The following UNC5B variants were observed in gnomAD, a reference collection of about 807,000 sequenced individuals.
UNC5B encodes netrin receptor UNC5B.
Under a neutral mutation model 103.7 loss-of-function variants are expected in UNC5B, and 56 were observed. The observed-to-expected ratio is 0.54, with a 90% CI of 0.44 to 0.67. The LOEUF (loss-of-function observed/expected upper bound fraction) is 0.67, where lower values mean the gene tolerates loss of function less well. UNC5B is among the 30% of genes least tolerant of loss of function. The pLI is 0.00. For missense variants in UNC5B, 1,194 were observed against 1,284.5 expected (o/e 0.93, Z 1.08); for synonymous variants, 577 against 542.0 (o/e 1.06, Z -0.90).
chr10:71,291,436 C>T lies in UNC5B; in HGVS notation c.1299C>T (p.Asn433=). 1.2e-6 allele frequency: 2 copies of T among 1,601,110 alleles called. No individual in the cohort carries two copies. Among genetic ancestry groups the T allele is most frequent in the East Asian group, 4.5e-5 (2 of 44,768 alleles). The stretch of plus-strand genomic sequence containing the variant: ...CTATAGCCCCTACTCCTGCAGGCAA[C>T]CCGCAGCTCCTACACCCCTCTGTGC... ...PVNFKTARPS[N]PQLLHPSVPP... The change falls in exon 10 of 17, where the codon AAC becomes AAT. Residue 433 remains asparagine, a synonymous_variant. Transcript: ENST00000335350.
chr10:71,286,041 C>T (rs770449029), intron 4 of UNC5B, among the ~76,000 whole-genome samples: 1 of 152,230 alleles, frequency 6.6e-6, no homozygotes, highest in Admixed American at 6.5e-5. Context: ...CCAGCCCAAA[C>T]CCTCCTCTGC....
At chr10:71,222,146 G>C (rs1843465008) in intron 1 of UNC5B, among the ~76,000 whole-genome samples, 1 of 152,190 alleles carries the variant, frequency 6.6e-6, no homozygotes. Flanking sequence ...ACTGGCCCTT[G>C]AAAGATGAGA....
intron 1 of UNC5B, among the ~76,000 whole-genome samples, chr10:71,272,762 G>A (rs1844676758): frequency 6.6e-6 from 1 of 152,186 alleles, no homozygotes; most frequent in Non-Finnish European, 1.5e-5. Context: ...TCTGGTCTAC[G>A]TGGGCTCAGA....
intron 2 of UNC5B, among the ~76,000 whole-genome samples, chr10:71,280,642 T>G (rs1844901076): frequency 6.6e-6 from 1 of 152,280 alleles, no homozygotes; most frequent in African/African-American, 2.4e-5. Flanking sequence ...CCCTTCCTTC[T>G]CGGATATGTG....
At chr10:71,232,413 T>C (rs967410701) in intron 1 of UNC5B, among the ~76,000 whole-genome samples, 10 of 152,088 alleles carry the variant, frequency 6.6e-5, no homozygotes, top group Admixed American at 5.9e-4. Context: ...GCAGAGGGAG[T>C]GCACAAGGAG....
At position 71,300,071 on chromosome 10, in the gene UNC5B, G is replaced by A. The variant is rs1195879782; in HGVS notation, c.*794G>A. 4.1e-5 allele frequency: 6 copies of A among 147,016 alleles called. No homozygotes were observed. The highest frequency in any genetic ancestry group is 3.4e-4 in the Admixed American group (5 of 14,860). 9.1% of individuals were successfully genotyped at this position (147,016 alleles called of 1,614,324 possible). A position where few individuals can be genotyped will look rare whatever the true frequency, so the allele number is the denominator to read the frequency against. On this transcript the variant is annotated 3_prime_UTR_variant, in exon 17 of 17. Coordinates refer to ENST00000335350, the MANE Select transcript of UNC5B (RefSeq NM_170744.5). ...TGTGTGTGTGTGTGTGTACATGTAC[G>A]CGTGTGCATTGAGGAGAGAGAGACT...
intron 1 of UNC5B, among the ~76,000 whole-genome samples, chr10:71,235,674 T>A (rs189427427): frequency 6.6e-6 from 1 of 152,258 alleles, no homozygotes; most frequent in African/African-American, 2.4e-5. Context: ...GAGCCCAGCC[T>A]CCAGCCCTGA....
At chr10:71,242,542 G>A (rs1460086479) in intron 1 of UNC5B, among the ~76,000 whole-genome samples, 2 of 152,198 alleles carry the variant, frequency 1.3e-5, no homozygotes, top group East Asian at 1.9e-4. Context: ...CATCAACACA[G>A]CCTGTGGTCA....
At chr10:71,264,807 C>T (rs985158167) in intron 1 of UNC5B, among the ~76,000 whole-genome samples, 5 of 151,994 alleles carry the variant, frequency 3.3e-5, no homozygotes, top group African/African-American at 1.2e-4. Context: ...TGGTGCAGGC[C>T]ATGGTTTGAG....
chr10:71,273,120 C>G (rs1318413019), intron 1 of UNC5B, among the ~76,000 whole-genome samples: 1 of 152,278 alleles, frequency 6.6e-6, no homozygotes, highest in Non-Finnish European at 1.5e-5. Context: ...AACTCCTGAC[C>G]TCAGGTGATC....
At chr10:71,288,496 C>G (rs746625286) in intron 6 of UNC5B, 72 bp from the exon 7 acceptor site, 3 of 1,536,860 alleles carry the variant, frequency 2.0e-6, no homozygotes, top group Non-Finnish European at 1.8e-6. Flanking sequence ...GCACATTGCT[C>G]TGTTCTGCAC....
At chr10:71,225,843 C>CCACA (rs954517705) in intron 1 of UNC5B, among the ~76,000 whole-genome samples, 2 of 152,078 alleles carry the variant, frequency 1.3e-5, no homozygotes, top group Non-Finnish European at 2.9e-5. Context: ...TGCCACCGTG[C>CCACA]CACACAGACT....
intron 11 of UNC5B, among the ~76,000 whole-genome samples, 160 bp downstream of exon 11, chr10:71,292,714 C>G (rs182975734): frequency 1.3e-5 from 2 of 152,278 alleles, no homozygotes; most frequent in South Asian, 4.1e-4. Context: ...GAACCAACAC[C>G]GTAAATTGTA....
At chr10:71,279,702 G>A (rs1185103077) in intron 1 of UNC5B, 119 bp from the exon 2 acceptor site, 6 of 1,102,570 alleles carry the variant, frequency 5.4e-6, no homozygotes, top group Non-Finnish European at 7.8e-6. Context: ...GAGGGCTCTG[G>A]CTGCCCCACC....
At chr10:71,225,266 C>CT (rs934538717) in intron 1 of UNC5B, among the ~76,000 whole-genome samples, 3 of 151,944 alleles carry the variant, frequency 2.0e-5, no homozygotes, top group African/African-American at 7.3e-5. Context: ...TCTCCAAACC[C>CT]ACGGGGGTCG....
chr10:71,224,369 A>T (rs59885382), intron 1 of UNC5B, among the ~76,000 whole-genome samples: 1 of 83,662 alleles, frequency 1.2e-5, no homozygotes, highest in South Asian at 4.7e-4. Flanking sequence ...ATGTAGACAC[A>T]CACACACACA....
chr10:71,279,728 C>T, intron 1 of UNC5B, 93 bp from the exon 2 acceptor site: 2 of 1,383,418 alleles, frequency 1.4e-6, no homozygotes, highest in Non-Finnish European at 2.0e-6. Context: ...CTCCCCTGTC[C>T]TCTTCGTCTG....
In UNC5B at chr10:71,301,105, C is replaced by T. The variant is rs1845575722; in HGVS notation, c.*1828C>T. On this transcript the variant is annotated 3_prime_UTR_variant, in exon 17 of 17. Transcript: ENST00000335350. Reference sequence around the variant, plus strand: ...TCCAGGCAAGGCAGGTGCCCGCTTCCCCAACACCTCCAGGCAGTGACCCTA... The same window carrying T: ...TCCAGGCAAGGCAGGTGCCCGCTTCTCCAACACCTCCAGGCAGTGACCCTA... The T allele has an allele frequency of 6.6e-6, 1 of 152,424 alleles. No homozygotes were observed. The highest frequency in any genetic ancestry group is 1.5e-5 in the Non-Finnish European group (1 of 68,206). The allele number at this position is 152,424 out of a possible 1,614,324, so 9.4% of individuals were successfully genotyped here.
At chr10:71,227,332 A>G (rs943575303) in intron 1 of UNC5B, among the ~76,000 whole-genome samples, 2 of 152,210 alleles carry the variant, frequency 1.3e-5, no homozygotes, top group South Asian at 4.1e-4. Context: ...AAAACTAAAA[A>G]TCATATGTTC....
Sources: allele counts gnomAD v4.1 joint callset (sites outside exome capture counted in the v4.1 genomes callset), GRCh38; gene constraint gnomAD v4.1.1; transcripts MANE v1.5; gene names NCBI Gene and HGNC (gene_info 2026-07-23, HGNC 2026-07-21).